NOS1AP: variants seen among roughly 807,000 people sequenced by gnomAD.
NOS1AP encodes the protein nitric oxide synthase 1 adaptor protein, also known as carboxyl-terminal PDZ ligand of neuronal nitric oxide synthase protein.
Under a neutral mutation model 56.2 loss-of-function variants are expected in NOS1AP, and 21 were observed. That is an observed-to-expected ratio of 0.37 (90% CI 0.26 to 0.54). The LOEUF (loss-of-function observed/expected upper bound fraction) is 0.54. Ranked by LOEUF, NOS1AP falls within the 20% of genes least tolerant of loss-of-function variation. NOS1AP has a pLI of 0.84. For synonymous variants in NOS1AP, 270 were observed against 274.6 expected, an observed-to-expected ratio of 0.98 and a Z score of 0.17; for missense variants, 522 against 657.8, an observed-to-expected ratio of 0.79 and a Z score of 2.26.
chr1:162,108,516 C>G (rs1437797309), intron 1 of NOS1AP, among the ~76,000 whole-genome samples: 1 of 152,014 alleles, frequency 6.6e-6, no homozygotes, highest in African/African-American at 2.4e-5. Flanking sequence ...CTTAGGATGA[C>G]CAAACTGGTA....
intron 1 of NOS1AP, among the ~76,000 whole-genome samples, chr1:162,075,871 A>G (rs754333815): frequency 2.0e-5 from 3 of 152,066 alleles, no homozygotes; most frequent in Non-Finnish European, 2.9e-5. Flanking sequence ...CAGATGTCCC[A>G]GTATGTTCCT....
chr1:162,207,084 T>C lies in NOS1AP; in HGVS notation c.177+52608T>C, dbSNP rs1177790580. ...AGTCGCCAGTGGGATTTTTATCACA[T>C]AATTAGAGGGTTTGTTAAATGTGCT... On this transcript the variant is annotated intron_variant, in intron 2 of 9. Coordinates refer to ENST00000361897, the MANE Select transcript of NOS1AP (RefSeq NM_014697.3). Among the ~76,000 whole-genome samples, 3 of 152,232 alleles carry C rather than the reference T, an allele frequency of 2.0e-5. No homozygotes were observed. In the South Asian group the frequency reaches 6.2e-4, roughly 31 times the overall value.
intron 2 of NOS1AP, among the ~76,000 whole-genome samples, chr1:162,179,315 G>A (rs1162624297): frequency 1.3e-5 from 2 of 152,158 alleles, no homozygotes; most frequent in African/African-American, 4.8e-5. Context: ...CAGGGAAGTT[G>A]AGTAACCTGC....
rs879505169 is a variant in NOS1AP at position 162,364,034 on chromosome 1, G to C, written c.940-1370G>C. ...TCTCTGAGTGCTGGTTGCTGGGAGG[G>C]GCACACCCTGGGCCAGCAAGTCACT... On this transcript the variant is annotated intron_variant, in intron 8 of 9. Coordinates refer to ENST00000361897, the MANE Select transcript of NOS1AP (RefSeq NM_014697.3). The C allele has an allele frequency of 7.1e-6, 7 of 985,292 alleles. No homozygotes were observed. The African/African-American group carries it at 1.0e-4, about 15-fold the overall frequency. 61.0% of individuals were successfully genotyped at this position (985,292 alleles called of 1,614,324 possible).
chr1:162,076,345 C>A (rs1415262), intron 1 of NOS1AP, among the ~76,000 whole-genome samples: 1 of 151,918 alleles, frequency 6.6e-6, no homozygotes, highest in Non-Finnish European at 1.5e-5. Context: ...TGGAAAAGAC[C>A]ATTTATATAT....
chr1:162,127,803 G>A (rs1018229567), intron 1 of NOS1AP, among the ~76,000 whole-genome samples: 1 of 152,148 alleles, frequency 6.6e-6, no homozygotes, highest in African/African-American at 2.4e-5. Flanking sequence ...CCATTCCCAT[G>A]ATCCAGTCAC....
At chr1:162,251,546 G>A (rs1357783009) in intron 2 of NOS1AP, among the ~76,000 whole-genome samples, 2 of 151,954 alleles carry the variant, frequency 1.3e-5, no homozygotes, top group African/African-American at 4.8e-5. Context: ...CTCCCAAGGA[G>A]ACAGGAGTCA....
chr1:162,126,464 ATAT>A (rs768639718), intron 1 of NOS1AP, among the ~76,000 whole-genome samples: 1 of 152,052 alleles, frequency 6.6e-6, no homozygotes, highest in African/African-American at 2.4e-5. Flanking sequence ...GAGACACAAA[ATAT>A]TGGTTTGTTC....
chr1:162,121,574 T>C (rs929171226), intron 1 of NOS1AP, among the ~76,000 whole-genome samples: 1 of 152,156 alleles, frequency 6.6e-6, no homozygotes, highest in Non-Finnish European at 1.5e-5. Context: ...TTTACAGCTG[T>C]GTGACTTTGG....
chr1:162,207,820 G>A (rs1374939880), intron 2 of NOS1AP, among the ~76,000 whole-genome samples: 1 of 152,156 alleles, frequency 6.6e-6, no homozygotes, highest in Non-Finnish European at 1.5e-5. Flanking sequence ...TTGTGATTGT[G>A]AATGACTGTG....
intron 1 of NOS1AP, among the ~76,000 whole-genome samples, chr1:162,093,294 G>A (rs1380432004): frequency 6.6e-6 from 1 of 152,222 alleles, no homozygotes; most frequent in Non-Finnish European, 1.5e-5. Context: ...TGGCAAGCCA[G>A]GCACTGTGCT....
chr1:162,288,897 T>C (rs1655170955), intron 3 of NOS1AP, among the ~76,000 whole-genome samples: 1 of 152,228 alleles, frequency 6.6e-6, no homozygotes, highest in Non-Finnish European at 1.5e-5. Flanking sequence ...CTTCTTCTCC[T>C]CTCACATGTA....
At chr1:162,138,992 G>A (rs1649118562) in intron 1 of NOS1AP, among the ~76,000 whole-genome samples, 2 of 152,142 alleles carry the variant, frequency 1.3e-5, no homozygotes, top group East Asian at 1.9e-4. Context: ...CTTCCTGGTT[G>A]ACCTCCACCT....
Position 162,165,520 on chromosome 1 carries a change from T to G in NOS1AP, c.177+11044T>G, listed in dbSNP as rs149647058. Among the ~76,000 whole-genome samples, 607 of 152,274 alleles carry G rather than the reference T, an allele frequency of 4.0e-3. 7 individuals carry two copies. Among genetic ancestry groups the G allele is most frequent in the African/African-American group, 0.013 (546 of 41,542 alleles). ...TATCCCATTGTCCAGATGAGGAAAC[T>G]GAGGTACCAAGAGGTTAAATAACTT... On this transcript the variant is annotated intron_variant, in intron 2 of 9. Coordinates refer to ENST00000361897, the MANE Select transcript of NOS1AP (RefSeq NM_014697.3).
intron 1 of NOS1AP, among the ~76,000 whole-genome samples, chr1:162,081,757 T>G (rs1339777879): frequency 1.6e-5 from 1 of 62,246 alleles, no homozygotes; most frequent in South Asian, 3.6e-4. Flanking sequence ...TATCTATAGA[T>G]ATATATATAT....
chr1:162,341,581 A>G (rs994053074), intron 5 of NOS1AP, among the ~76,000 whole-genome samples: 1 of 152,234 alleles, frequency 6.6e-6, no homozygotes, highest in Non-Finnish European at 1.5e-5. Context: ...CCCAAGAGTC[A>G]GAGAAGAAAG....
chr1:162,093,351 G>T (rs1271292998), intron 1 of NOS1AP, among the ~76,000 whole-genome samples: 2 of 152,230 alleles, frequency 1.3e-5, no homozygotes, highest in African/African-American at 4.8e-5. Context: ...GGCTGCAAGG[G>T]TCATGTGATG....
At chr1:162,327,796 A>C (rs1458691374) in intron 4 of NOS1AP, among the ~76,000 whole-genome samples, 1 of 152,204 alleles carries the variant, frequency 6.6e-6, no homozygotes, top group Non-Finnish European at 1.5e-5. Flanking sequence ...ATCCCTCACA[A>C]ATGAGTTCAG....
At chr1:162,192,599 C>A (rs1187947461) in intron 2 of NOS1AP, among the ~76,000 whole-genome samples, 2 of 152,196 alleles carry the variant, frequency 1.3e-5, no homozygotes, top group African/African-American at 4.8e-5. Flanking sequence ...GGCAAGGCCA[C>A]TTTTCCCTGG....
Sources: gnomAD v4.1 joint callset for allele counts (sites outside exome capture counted in the v4.1 genomes callset) on GRCh38, gnomAD v4.1.1 for gene constraint, MANE v1.5 for transcripts, NCBI Gene and HGNC (gene_info 2026-07-23, HGNC 2026-07-21) for gene names.